Variants in SPAG16 observed in about 807,000 individuals in gnomAD.
The protein encoded by SPAG16 is sperm-associated antigen 16 protein.
A neutral mutation model predicts 80.4 loss-of-function variants in SPAG16; 86 were observed. The ratio of observed to expected loss-of-function variants is 1.07; its 90% confidence interval spans 0.90 to 1.28. The LOEUF (loss-of-function observed/expected upper bound fraction) is 1.28. SPAG16 is among the 50% of genes most tolerant of loss of function. The pLI is 0.00. For missense variants in SPAG16, 870 were observed against 765.3 expected (o/e 1.14, Z -1.61); for synonymous variants, 294 against 265.9 (o/e 1.11, Z -1.03).
At chr2:213,609,088 A>T (rs1007612401) in intron 10 of SPAG16, among the ~76,000 whole-genome samples, 29 of 152,260 alleles carry the variant, frequency 1.9e-4, no homozygotes, top group Non-Finnish European at 3.8e-4. Context: ...TTTTGCAGAA[A>T]TTATTGTAAA....
chr2:213,394,529 A>G (rs1024246819), intron 9 of SPAG16, among the ~76,000 whole-genome samples: 1 of 152,180 alleles, frequency 6.6e-6, no homozygotes, highest in African/African-American at 2.4e-5. Flanking sequence ...TAATCAAGGT[A>G]TGGAATAGTT....
intron 15 of SPAG16, among the ~76,000 whole-genome samples, chr2:214,362,315 G>A (rs1699235376): frequency 6.6e-6 from 1 of 151,826 alleles, no homozygotes; most frequent in Non-Finnish European, 1.5e-5. Context: ...CTTCCACATT[G>A]AGGAGCTGAA....
chr2:213,519,141 C>T (rs1049590524), intron 10 of SPAG16, among the ~76,000 whole-genome samples: 1 of 152,154 alleles, frequency 6.6e-6, no homozygotes, highest in African/African-American at 2.4e-5. Flanking sequence ...ACCCAAGTAA[C>T]AAACTTGTAC....
chr2:214,278,233 T>C (rs1692625058), intron 15 of SPAG16, among the ~76,000 whole-genome samples: 1 of 152,174 alleles, frequency 6.6e-6, no homozygotes, highest in South Asian at 2.1e-4. Flanking sequence ...TGGCTTACCT[T>C]GGCTAGGAAA....
At chr2:213,336,292 A>T (rs546789503) in intron 5 of SPAG16, among the ~76,000 whole-genome samples, 2 of 152,182 alleles carry the variant, frequency 1.3e-5, no homozygotes, top group African/African-American at 2.4e-5. Context: ...TTCAGCAGGC[A>T]CCAAGACACA....
At chr2:213,742,272 T>G (rs561741425) in intron 10 of SPAG16, among the ~76,000 whole-genome samples, 56 of 152,282 alleles carry the variant, frequency 3.7e-4, no homozygotes, top group South Asian at 1.7e-3. Flanking sequence ...CTTATATACT[T>G]CTAGTTGAAT....
At chr2:214,226,304 T>C (rs1356179816) in intron 15 of SPAG16, among the ~76,000 whole-genome samples, 1 of 151,974 alleles carries the variant, frequency 6.6e-6, no homozygotes, top group Non-Finnish European at 1.5e-5. Context: ...AAGTGAAAAA[T>C]GCACATACTT....
chr2:213,572,599 A>C (rs1050403532), intron 10 of SPAG16, among the ~76,000 whole-genome samples: 9 of 152,140 alleles, frequency 5.9e-5, no homozygotes, highest in Admixed American at 2.6e-4. Flanking sequence ...GCGGGTTCTC[A>C]GATCTCCAGC....
chr2:213,429,201 C>T (rs1409082496), intron 9 of SPAG16, among the ~76,000 whole-genome samples: 1 of 152,074 alleles, frequency 6.6e-6, no homozygotes, highest in African/African-American at 2.4e-5. Context: ...GCAATAATTG[C>T]TCTGTCTCAG....
chr2:214,209,949 T>C (rs1167252686), intron 15 of SPAG16, among the ~76,000 whole-genome samples: 2 of 152,140 alleles, frequency 1.3e-5, no homozygotes, highest in Non-Finnish European at 2.9e-5. Context: ...AGCCCTACTC[T>C]TATACACATT....
intron 10 of SPAG16, among the ~76,000 whole-genome samples, chr2:213,633,895 A>G (rs1279307712): frequency 6.6e-6 from 1 of 151,154 alleles, no homozygotes; most frequent in Non-Finnish European, 1.5e-5. Context: ...TTATCCCTTT[A>G]TTTTCAGTTT....
chr2:213,942,850 A>G (rs763021048), intron 12 of SPAG16, among the ~76,000 whole-genome samples: 1 of 152,214 alleles, frequency 6.6e-6, no homozygotes, highest in Non-Finnish European at 1.5e-5. Context: ...TGTCCCTCCA[A>G]AACTCATATG....
chr2:214,110,529 T>G (rs1295524887), intron 14 of SPAG16, among the ~76,000 whole-genome samples: 1 of 152,182 alleles, frequency 6.6e-6, no homozygotes, highest in Non-Finnish European at 1.5e-5. Context: ...CTTAATCCAG[T>G]CTATGATTGA....
intron 15 of SPAG16, among the ~76,000 whole-genome samples, chr2:214,196,695 A>C (rs778840627): frequency 5.9e-5 from 9 of 152,052 alleles, no homozygotes; most frequent in Non-Finnish European, 1.0e-4. Context: ...GAATTTTAAA[A>C]CATGCATCAT....
chr2:214,086,656 A>G (rs570698458), intron 13 of SPAG16, among the ~76,000 whole-genome samples: 2 of 152,248 alleles, frequency 1.3e-5, no homozygotes, highest in East Asian at 3.9e-4. Flanking sequence ...ATGAACAATT[A>G]AACCTCTTTC....
intron 15 of SPAG16, chr2:214,281,415 A>G: frequency 5.1e-6 from 1 of 197,448 alleles, no homozygotes; most frequent in Non-Finnish European, 1.1e-5. Context: ...GTGTCTCTTA[A>G]AGTAGGCCTT....
intron 10 of SPAG16, among the ~76,000 whole-genome samples, chr2:213,807,513 C>T (rs1339772539): frequency 2.0e-5 from 3 of 152,052 alleles, no homozygotes; most frequent in African/African-American, 7.2e-5. Context: ...TAGTACATTC[C>T]CTTTCTTCAT....
intron 6 of SPAG16, among the ~76,000 whole-genome samples, chr2:213,344,360 A>C (rs1234427697): frequency 6.6e-6 from 1 of 151,284 alleles, no homozygotes; most frequent in Non-Finnish European, 1.5e-5. Flanking sequence ...GAAGTGAATC[A>C]ACCTTATTCA....
In SPAG16 at chr2:213,322,530, C is replaced by T. The variant is rs189084552; in HGVS notation, c.536+5174C>T. Among the ~76,000 whole-genome samples, 5 of 152,052 alleles carry T rather than the reference C, an allele frequency of 3.3e-5. No individual in the cohort carries two copies. In the East Asian group the frequency reaches 7.7e-4, roughly 23 times the overall value. On this transcript the variant is annotated intron_variant, in intron 5 of 15. Coordinates refer to ENST00000331683, the MANE Select transcript of SPAG16 (RefSeq NM_024532.5). ...CCATTTGTATATCCTGGTTTTTATT[C>T]CTATCTTCCCTTAGCATCTGTGACA...
Sources: gnomAD v4.1 joint callset for allele counts (sites outside exome capture counted in the v4.1 genomes callset) on GRCh38, gnomAD v4.1.1 for gene constraint, MANE v1.5 for transcripts, NCBI Gene and HGNC (gene_info 2026-07-23, HGNC 2026-07-21) for gene names.